TCEA3: variants seen among roughly 807,000 people sequenced by gnomAD.
TCEA3 encodes transcription elongation factor A protein 3.
A neutral mutation model predicts 44.0 loss-of-function variants in TCEA3; 36 were observed. That is an observed-to-expected ratio of 0.82 (90% CI 0.63 to 1.08). TCEA3 has a LOEUF of 1.08. Ranked by LOEUF, TCEA3 falls within the 50% of genes least tolerant of loss-of-function variation. TCEA3 has a pLI of 0.00. For missense variants in TCEA3, 392 were observed against 441.2 expected (o/e 0.89, Z 1.00); for synonymous variants, 162 against 159.7 (o/e 1.01, Z -0.11).
At chr1:23,416,418 C>T (rs1460137714) in intron 4 of TCEA3, among the ~76,000 whole-genome samples, 1 of 152,188 alleles carries the variant, frequency 6.6e-6, no homozygotes, top group Admixed American at 6.5e-5. Context: ...AAAAACCCAA[C>T]AATTCAGATT....
intron 2 of TCEA3, among the ~76,000 whole-genome samples, chr1:23,418,643 T>C (rs1273305308): frequency 6.6e-6 from 1 of 152,152 alleles, no homozygotes; most frequent in African/African-American, 2.4e-5. Context: ...CAGTTTCAAC[T>C]GAGACAGCAG....
chr1:23,404,223 C>T (rs1639478773), intron 5 of TCEA3: 2 of 701,438 alleles, frequency 2.9e-6, no homozygotes, highest in African/African-American at 1.7e-5. Flanking sequence ...TCAACTTTCT[C>T]CCCTGTCAAC....
chr1:23,417,112 A>G lies in TCEA3; in HGVS notation c.380+137T>C, dbSNP rs370564219. On this transcript the variant is annotated intron_variant, in intron 4 of 10. Transcript: ENST00000450454. ...TCTGGTTGAGCCAAAGAAGACCCCC[A>G]GAGGGGGCACTGCAGGAGATAATAC... 705 of 1,096,412 alleles carry G rather than the reference A, an allele frequency of 6.4e-4. 13 individuals are homozygous for G. The South Asian group carries it at 0.011, about 17-fold the overall frequency. 67.9% of individuals were successfully genotyped at this position (1,096,412 alleles called of 1,614,324 possible). A position where few individuals can be genotyped will look rare whatever the true frequency, so the allele number is the denominator to read the frequency against.
intron 2 of TCEA3, 24 bp downstream of exon 2, chr1:23,419,053 C>T: frequency 7.4e-7 from 1 of 1,345,276 alleles, no homozygotes; most frequent in Non-Finnish European, 1.0e-6. Context: ...GGCACTGTCC[C>T]AAGGCTTCCC....
chr1:23,421,274 G>A (rs755105800), intron 1 of TCEA3, among the ~76,000 whole-genome samples: 7 of 152,112 alleles, frequency 4.6e-5, no homozygotes, highest in Non-Finnish European at 8.8e-5. Context: ...TTATTATCCT[G>A]TGTTCACCAA....
At chr1:23,419,999 C>T (rs1640010852) in intron 1 of TCEA3, among the ~76,000 whole-genome samples, 1 of 152,232 alleles carries the variant, frequency 6.6e-6, no homozygotes, top group South Asian at 2.1e-4. Flanking sequence ...CCAAAAGCTT[C>T]TTCCTGTCCC....
chr1:23,416,188 T>C (rs1032009974), intron 4 of TCEA3, among the ~76,000 whole-genome samples: 30 of 151,958 alleles, frequency 2.0e-4, no homozygotes, highest in Non-Finnish European at 4.1e-4. Flanking sequence ...GTATTTTTAG[T>C]AGAGATGGGA....
At chr1:23,396,321 A>G (rs1639214028) in intron 7 of TCEA3, among the ~76,000 whole-genome samples, 2 of 152,204 alleles carry the variant, frequency 1.3e-5, no homozygotes, top group Non-Finnish European at 2.9e-5. Flanking sequence ...TCCCCGCTCC[A>G]ATACCATGCA....
chr1:23,403,456 G>C (rs746956726), intron 5 of TCEA3: 1 of 152,304 alleles, frequency 6.6e-6, no homozygotes, highest in African/African-American at 2.4e-5. Flanking sequence ...AGTTTACATA[G>C]ATAACCAGGT....
chr1:23,417,912 C>T lies in TCEA3; in HGVS notation c.230G>A (p.Arg77Gln), dbSNP rs760310434. Residue 77 changes from arginine to glutamine, a missense_variant, in exon 3 of 11, where the codon CGG becomes CAG. Transcript: ENST00000450454. ...ACCTTGTCCTCTCTCACCTAGCAGC[C>T]GCTTCCAGTTTTTGATAAGGACTTT... is the stretch of plus-strand genomic sequence containing the variant. Reference protein sequence around the residue: ...LAKVLIKNWKRLLDSPGPPKG... With the variant: ...LAKVLIKNWKQLLDSPGPPKG... 8 of 1,614,020 alleles carry T rather than the reference C, an allele frequency of 5.0e-6. No homozygotes were observed. Among genetic ancestry groups the T allele is most frequent in the Non-Finnish European group, 6.8e-6 (8 of 1,179,884 alleles).
At chr1:23,422,023 T>G (rs1640079651) in intron 1 of TCEA3, among the ~76,000 whole-genome samples, 1 of 152,204 alleles carries the variant, frequency 6.6e-6, no homozygotes. Flanking sequence ...TACAAATGGG[T>G]TCTGTAGCCA....
intron 10 of TCEA3, among the ~76,000 whole-genome samples, chr1:23,381,927 A>C (rs1467130919): frequency 6.6e-6 from 1 of 152,220 alleles, no homozygotes; most frequent in African/African-American, 2.4e-5. Flanking sequence ...CCTTTCTCTA[A>C]CAGTAACAAA....
rs1264368369 is a variant in TCEA3, at chr1:23,393,970, C to T, written c.728G>A (p.Ser243Asn). ...KYRNRVRSRI[S>N]NLKDPRNPGL... ...GGGGTTCCTGGGGTCCTTGAGGTTG[C>T]TTATGCGGCTGCGCACGCGGTTCCG... Residue 243 changes from serine (S) to asparagine (N), a missense_variant, in exon 8 of 11, where the codon AGC becomes AAC. By Grantham distance (46) the Ser-to-Asn change is conservative (BLOSUM62 1). Transcript: ENST00000450454. 1.2e-6 allele frequency: 2 copies of T among 1,614,046 alleles called. No homozygotes were observed. Among genetic ancestry groups the T allele is most frequent in the East Asian group, 2.2e-5 (1 of 44,880 alleles).
At chr1:23,389,990 A>G (rs1212017470) in intron 8 of TCEA3, among the ~76,000 whole-genome samples, 2 of 152,198 alleles carry the variant, frequency 1.3e-5, no homozygotes, top group Non-Finnish European at 2.9e-5. Context: ...AGGGTAGCCA[A>G]GCATTTACAC....
At chr1:23,420,503 C>T (rs992719336) in intron 1 of TCEA3, among the ~76,000 whole-genome samples, 1 of 152,202 alleles carries the variant, frequency 6.6e-6, no homozygotes, top group Non-Finnish European at 1.5e-5. Context: ...CTCGGCCTCC[C>T]AAAGTGCTGG....
At chr1:23,418,951 A>T in intron 2 of TCEA3, 126 bp downstream of exon 2, 1 of 522,602 alleles carries the variant, frequency 1.9e-6, no homozygotes, top group Non-Finnish European at 2.8e-6. Flanking sequence ...CCACCTCAAG[A>T]TCCCCTCCCC....
At chr1:23,390,051 A>G (rs771874344) in intron 8 of TCEA3, among the ~76,000 whole-genome samples, 2 of 152,226 alleles carry the variant, frequency 1.3e-5, no homozygotes, top group Admixed American at 6.5e-5. Flanking sequence ...TATAAGGTGC[A>G]GGGGAAAGCA....
intron 5 of TCEA3, among the ~76,000 whole-genome samples, chr1:23,399,725 G>C (rs906957166): frequency 2.0e-5 from 3 of 151,002 alleles, no homozygotes; most frequent in African/African-American, 7.3e-5. Context: ...TGCCAGGCTG[G>C]AGTGCAGTGG....
chr1:23,424,547 C>A lies in TCEA3; in HGVS notation c.69+18G>T. 6.2e-7 allele frequency: 1 copy of A among 1,603,696 alleles called. No homozygotes were observed. Among genetic ancestry groups the A allele is most frequent in the Admixed American group, 1.7e-5 (1 of 59,700 alleles). ...CCTCCCGGGGGCGGGGGCCGTGGCC[C>A]AAACTCTGCAGCCTCACCGTGTTCT... On this transcript the variant is annotated intron_variant, in intron 1 of 10. Coordinates refer to ENST00000450454, the MANE Select transcript of TCEA3 (RefSeq NM_003196.3).
Sources: allele counts gnomAD v4.1 joint callset (sites outside exome capture counted in the v4.1 genomes callset), GRCh38; gene constraint gnomAD v4.1.1; transcripts MANE v1.5; gene names NCBI Gene and HGNC (gene_info 2026-07-23, HGNC 2026-07-21).